EIF5: variants seen among roughly 807,000 people sequenced by gnomAD.
The protein encoded by EIF5 is eukaryotic translation initiation factor 5.
Under a neutral mutation model 48.3 loss-of-function variants are expected in EIF5, and 10 were observed. The ratio of observed to expected loss-of-function variants is 0.21; its 90% CI spans 0.13 to 0.35. The LOEUF (loss-of-function observed/expected upper bound fraction) is 0.35, where lower values mean the gene tolerates loss of function less well. Among genes scored for constraint, EIF5 ranks in the 10% least tolerant of loss-of-function variants. The pLI is 1.00. For missense variants in EIF5, 397 were observed against 533.2 expected, an observed-to-expected ratio of 0.74 and a Z score of 2.51; for synonymous variants, 237 against 173.1, an observed-to-expected ratio of 1.37 and a Z score of -2.90.
rs1393392413 is a variant in EIF5 at position 103,344,939 on chromosome 14, A to G, written c.*3887A>G. 6.6e-6 allele frequency: 1 copy of G among 152,228 alleles called. No homozygotes were observed. The highest frequency in any genetic ancestry group is 1.9e-4 in the East Asian group (1 of 5,204). The allele number at this position is 152,228 out of a possible 1,614,324, so 9.4% of individuals were successfully genotyped here. A position where few individuals can be genotyped will look rare whatever the true frequency, so the allele number is the denominator to read the frequency against. On this transcript the variant is annotated 3_prime_UTR_variant, in exon 12 of 12. Coordinates refer to ENST00000216554, the MANE Select transcript of EIF5 (RefSeq NM_001969.5). ...AGATGTTGAAAGGATGAAAAAAGGT[A>G]TAGTAGACATACACTAACCAAAAAT...
intron 6 of EIF5, chr14:103,337,856 ACT>A (rs377171654): frequency 9.3e-5 from 48 of 518,054 alleles, no homozygotes; most frequent in East Asian, 6.5e-4. Context: ...TGCAAGCAAC[ACT>A]CTGTGGCAGA....
intron 10 of EIF5, 22 bp downstream of exon 10, chr14:103,339,825 T>G (rs2089331930): frequency 6.2e-7 from 1 of 1,604,562 alleles, no homozygotes; most frequent in South Asian, 1.1e-5. Flanking sequence ...ATAGGTGGGC[T>G]CTTAAAGTTC....
Position 103,344,942 on chromosome 14 carries a change from G to GT in EIF5, c.*3891dup, listed in dbSNP as rs2089397345. 6.6e-6 allele frequency: 1 copy of GT among 152,136 alleles called. No individual in the cohort carries two copies. The highest frequency in any genetic ancestry group is 2.1e-4 in the South Asian group (1 of 4,834). 9.4% of individuals were successfully genotyped at this position (152,136 alleles called of 1,614,324 possible). ...TGTTGAAAGGATGAAAAAAGGTATA[G>GT]TAGACATACACTAACCAAAAATGTA... On this transcript the variant is annotated 3_prime_UTR_variant, in exon 12 of 12. Coordinates refer to ENST00000216554, the MANE Select transcript of EIF5 (RefSeq NM_001969.5).
chr14:103,343,211 T>C lies in EIF5; in HGVS notation c.*2159T>C, dbSNP rs567773590. The C allele has an allele frequency of 5.0e-4, 77 of 152,682 alleles. No individual in the cohort carries two copies. Among genetic ancestry groups the C allele is most frequent in the African/African-American group, 1.8e-3 (73 of 41,592 alleles). The allele number at this position is 152,682 out of a possible 1,614,324, so 9.5% of individuals were successfully genotyped here. A position where few individuals can be genotyped will look rare whatever the true frequency, so the allele number is the denominator to read the frequency against. On this transcript the variant is annotated 3_prime_UTR_variant, in exon 12 of 12. Coordinates refer to ENST00000216554, the MANE Select transcript of EIF5 (RefSeq NM_001969.5). ...TAATATTAAAGTTAACAAGTTTTCA[T>C]TTTATAATGAGATCAAAGCATTGGA...
chr14:103,338,626 A>G lies in EIF5; in HGVS notation c.586-109A>G. 2.6e-6 allele frequency: 4 copies of G among 1,525,306 alleles called. No homozygotes were observed. In the South Asian group the frequency reaches 5.3e-5, roughly 20 times the overall value. 94.5% of individuals were successfully genotyped at this position (1,525,306 alleles called of 1,614,324 possible). A position where few individuals can be genotyped will look rare whatever the true frequency, so the allele number is the denominator to read the frequency against. On this transcript the variant is annotated intron_variant, in intron 7 of 11. Coordinates refer to ENST00000216554, the MANE Select transcript of EIF5 (RefSeq NM_001969.5). ...CTGTTTGTTGTTTGAATTAAGGTGA[A>G]CCCAATTTTGGATGGAGATGGACTT...
intron 8 of EIF5, 71 bp from the exon 9 acceptor site, chr14:103,339,101 G>A: frequency 6.5e-7 from 1 of 1,539,258 alleles, no homozygotes; most frequent in Non-Finnish European, 8.7e-7. Flanking sequence ...ATCAGAGCAG[G>A]GACTGGCTGG....
intron 2 of EIF5, 71 bp from the exon 3 acceptor site, chr14:103,335,582 G>A (rs1224129496): frequency 4.0e-6 from 2 of 501,644 alleles, no homozygotes; most frequent in African/African-American, 1.9e-5. Context: ...ATGTAAAAAG[G>A]AGGCGTTTCC....
chr14:103,336,320 A>T (rs944346511), intron 4 of EIF5: 5 of 640,264 alleles, frequency 7.8e-6, no homozygotes, highest in African/African-American at 7.3e-5. Flanking sequence ...GTTGGCTCAC[A>T]CCTGTAACCC....
Position 103,336,918 on chromosome 14 carries a change from T to C in EIF5, c.327+69T>C, listed in dbSNP as rs138506299. ...CTTCTGTGATACCGCTAAGTCACCT[T>C]CCTGAGAAGGCAGAGCAAATGTAAT... On this transcript the variant is annotated intron_variant, in intron 5 of 11. Transcript: ENST00000216554. The C allele has an allele frequency of 2.0e-5, 30 of 1,512,682 alleles. No individual in the cohort carries two copies. In the African/African-American group the frequency reaches 2.2e-4, roughly 11 times the overall value. 93.7% of individuals were successfully genotyped at this position (1,512,682 alleles called of 1,614,324 possible). A position where few individuals can be genotyped will look rare whatever the true frequency, so the allele number is the denominator to read the frequency against.
chr14:103,334,378 C>T lies in EIF5; in HGVS notation c.-417-11C>T, dbSNP rs1244939261. ...CCGCCCACGGCTCACGGCGCCGTCTCTCCGCGCCAGGTCGCCCAGCTCCGG... is the reference window on the plus strand; with the variant it reads ...CCGCCCACGGCTCACGGCGCCGTCTTTCCGCGCCAGGTCGCCCAGCTCCGG... On this transcript the variant is annotated splice_polypyrimidine_tract_variant and intron_variant, in intron 1 of 11. Transcript: ENST00000216554. 1.3e-5 allele frequency: 2 copies of T among 152,268 alleles called. No homozygotes were observed. Among genetic ancestry groups the T allele is most frequent in the African/African-American group, 4.8e-5 (2 of 41,444 alleles). 9.4% of individuals were successfully genotyped at this position (152,268 alleles called of 1,614,324 possible).
rs1183518819 is a variant in EIF5, at chr14:103,342,805, G to A, written c.*1753G>A. 1 of 152,592 alleles carries A rather than the reference G, an allele frequency of 6.6e-6. No homozygotes were observed. Among genetic ancestry groups the A allele is most frequent in the East Asian group, 1.9e-4 (1 of 5,198 alleles). The allele number at this position is 152,592 out of a possible 1,614,324, so 9.5% of individuals were successfully genotyped here. On this transcript the variant is annotated 3_prime_UTR_variant, in exon 12 of 12. Transcript: ENST00000216554. ...TTTTTTTTCTTCAAACTTGTATGTT[G>A]CCTAGGTTTCAAATTCTTTGCCGCA...
At chr14:103,338,259 C>A (rs898576603) in intron 6 of EIF5, 68 bp from the exon 7 acceptor site, 1 of 1,571,222 alleles carries the variant, frequency 6.4e-7, no homozygotes, top group South Asian at 1.2e-5. Context: ...GGGTTTTAAA[C>A]GTTAATGATG....
rs10178 is a variant in EIF5 at position 103,343,121 on chromosome 14, G to A, written c.*2069G>A. Reference sequence around the variant, plus strand: ...ACTTTGCTCTATTGAACTGTCTTAAGGATTTGTTTAAACAGCTAAGTTACT... The same window carrying A: ...ACTTTGCTCTATTGAACTGTCTTAAAGATTTGTTTAAACAGCTAAGTTACT... On this transcript the variant is annotated 3_prime_UTR_variant, in exon 12 of 12. Coordinates refer to ENST00000216554, the MANE Select transcript of EIF5 (RefSeq NM_001969.5). 0.016 allele frequency: 2,494 copies of A among 152,634 alleles called. 28 individuals carry two copies. Among genetic ancestry groups the A allele is most frequent in the East Asian group, 0.029 (152 of 5,186 alleles). 9.5% of individuals were successfully genotyped at this position (152,634 alleles called of 1,614,324 possible).
At chr14:103,340,643 A>G (rs2089342555) in intron 11 of EIF5, 82 bp downstream of exon 11, 7 of 1,520,190 alleles carry the variant, frequency 4.6e-6, no homozygotes, top group Non-Finnish European at 6.2e-6. Context: ...GGAGTGATAT[A>G]ATGGCAGTTT....
rs760674708 is a variant in EIF5, at chr14:103,339,797, G to A, written c.1065G>A (p.Ser355=). The A allele has an allele frequency of 1.9e-5, 30 of 1,613,980 alleles. No individual in the cohort carries two copies. The East Asian group carries it at 2.9e-4, about 16-fold the overall frequency. The change falls in exon 10 of 12, where the codon TCG becomes TCA. Residue 355 remains serine (S), a synonymous_variant. Coordinates refer to ENST00000216554, the MANE Select transcript of EIF5 (RefSeq NM_001969.5). Reference sequence around the variant, plus strand: ...AAGAAGAGGTCATCATCAGCTGGTCGGAAAAGGTGGGGAATACATAGGTGG... The same window carrying A: ...AAGAAGAGGTCATCATCAGCTGGTCAGAAAAGGTGGGGAATACATAGGTGG... The part of the protein sequence containing the change: ...LLEEEVIISW[S]EKASKKYVSK...
chr14:103,344,505 G>T lies in EIF5; in HGVS notation c.*3453G>T, dbSNP rs2089390130. The stretch of plus-strand genomic sequence containing the variant: ...TCACTTGGGTGTTGGGATCAAATTT[G>T]GATTCTGTCCCAGGCCTTACTGTAA... On this transcript the variant is annotated 3_prime_UTR_variant, in exon 12 of 12. Coordinates refer to ENST00000216554, the MANE Select transcript of EIF5 (RefSeq NM_001969.5). 1 of 152,210 alleles carries T rather than the reference G, an allele frequency of 6.6e-6. No individual in the cohort carries two copies. Among genetic ancestry groups the T allele is most frequent in the Admixed American group, 6.6e-5 (1 of 15,264 alleles). The allele number at this position is 152,210 out of a possible 1,614,324, so 9.4% of individuals were successfully genotyped here.
At position 103,337,130 on chromosome 14, in the gene EIF5, G is replaced by A; in HGVS notation, c.342G>A (p.Lys114=). 1 of 1,610,958 alleles carries A rather than the reference G, an allele frequency of 6.2e-7. No individual in the cohort carries two copies. The highest frequency in any genetic ancestry group is 8.5e-7 in the Non-Finnish European group (1 of 1,179,340). The part of the protein sequence containing the change: ...NPETDLHVNP[K]KQTIGNSCKA... The stretch of plus-strand genomic sequence containing the variant: ...TTTTTTGGCAGCATGTCAATCCAAA[G>A]AAGCAAACAATAGGTAATTCTTGTA... The change falls in exon 6 of 12, where the codon AAG becomes AAA. Residue 114 remains lysine, a synonymous_variant. Coordinates refer to ENST00000216554, the MANE Select transcript of EIF5 (RefSeq NM_001969.5).
chr14:103,340,127 A>C (rs1191050680), intron 10 of EIF5, among the ~76,000 whole-genome samples: 1 of 152,184 alleles, frequency 6.6e-6, no homozygotes, highest in African/African-American at 2.4e-5. Flanking sequence ...CTGAGGTTAC[A>C]GGTGTGAGCT....
chr14:103,336,194 C>T (rs1040577919), intron 4 of EIF5, 77 bp downstream of exon 4: 2 of 1,385,218 alleles, frequency 1.4e-6, no homozygotes, highest in African/African-American at 1.5e-5. Flanking sequence ...AAAACTTGTT[C>T]TAATTGTATG....
Sources: allele counts gnomAD v4.1 joint callset (sites outside exome capture counted in the v4.1 genomes callset), GRCh38; gene constraint gnomAD v4.1.1; transcripts MANE v1.5; gene names NCBI Gene and HGNC (gene_info 2026-07-23, HGNC 2026-07-21).